Variants in MEGF8 observed in about 807,000 individuals in gnomAD.
MEGF8 encodes multiple epidermal growth factor-like domains protein 8.
A neutral mutation model predicts 302.9 loss-of-function variants in MEGF8; 156 were observed. That is an observed-to-expected ratio of 0.52 (90% CI 0.45 to 0.59). The LOEUF (loss-of-function observed/expected upper bound fraction) is 0.59. Among genes scored for constraint, MEGF8 ranks in the 20% least tolerant of loss-of-function variants. The pLI, the probability that MEGF8 is intolerant of heterozygous loss-of-function variation, is 0.00. For missense variants in MEGF8, 3,345 were observed against 3,964.5 expected (o/e 0.84, Z 4.20); for synonymous variants, 1,621 against 1,660.5 (o/e 0.98, Z 0.58).
rs2039797325 is a variant in MEGF8, at chr19:42,378,483, C to G, written c.*1708C>G. On this transcript the variant is annotated 3_prime_UTR_variant, in exon 42 of 42. Transcript: ENST00000251268. Reference sequence around the variant, plus strand: ...GTGCTGCCTGGAAGATTTCTGGGCTCTCCTGAGGCGCCACCCCGCACCTGA... The same window carrying G: ...GTGCTGCCTGGAAGATTTCTGGGCTGTCCTGAGGCGCCACCCCGCACCTGA... 6.5e-6 allele frequency: 1 copy of G among 153,890 alleles called. No individual in the cohort carries two copies. Among genetic ancestry groups the G allele is most frequent in the South Asian group, 2.1e-4 (1 of 4,838 alleles). The allele number at this position is 153,890 out of a possible 1,614,324, so 9.5% of individuals were successfully genotyped here.
chr19:42,361,285 G>A (rs1204269178), intron 32 of MEGF8, among the ~76,000 whole-genome samples: 1 of 152,188 alleles, frequency 6.6e-6, no homozygotes, highest in Non-Finnish European at 1.5e-5. Flanking sequence ...GGCTGAGACC[G>A]GAAGCTGGAG....
Position 42,375,772 on chromosome 19 carries a change from TG to T in MEGF8, c.7537del (p.Val2513SerfsTer62), listed in dbSNP as rs1446029132. 6.2e-7 allele frequency: 1 copy of T among 1,613,024 alleles called. No homozygotes were observed. Among genetic ancestry groups the T allele is most frequent in the Non-Finnish European group, 8.5e-7 (1 of 1,179,818 alleles). ...GTCTCCACCTCCTATGACACCTTCG[TG>T]GTCCGTGTGGCCCCTGACACTGGCG... ...LYVSTSYDTFVVRVAPDTGVH... is the reference protein window; with the variant it reads ...LYVSTSYDTFXVRVAPDTGVH... On this transcript the variant is annotated frameshift_variant, in exon 42 of 42. Coordinates refer to ENST00000251268, the MANE Select transcript of MEGF8 (RefSeq NM_001271938.2). LOFTEE classifies it high-confidence loss of function. The surrounding 1 kb of genome is among the most constrained non-coding windows in gnomAD (Gnocchi z 7.1).
intron 33 of MEGF8, 75 bp downstream of exon 33, chr19:42,362,288 C>T: frequency 6.2e-7 from 1 of 1,609,084 alleles, no homozygotes. Context: ...CTCTGGTCAG[C>T]TGTCCCACCC....
chr19:42,357,812 G>A lies in MEGF8; in HGVS notation c.5011+228G>A, dbSNP rs559068734. 6.6e-6 allele frequency among the ~76,000 whole-genome samples: 1 copy of A among 152,110 alleles called. No homozygotes were observed. The highest frequency in any genetic ancestry group is 1.5e-5 in the Non-Finnish European group (1 of 68,018). On this transcript the variant is annotated intron_variant, in intron 28 of 41. Coordinates refer to ENST00000251268, the MANE Select transcript of MEGF8 (RefSeq NM_001271938.2). This position sits in a 1 kb window ranked among gnomAD's most constrained non-coding sequence, Gnocchi z 5.2. ...CGGCCACATGTGGCCACCGTCCCCT[G>A]CCCCCAGGGTCTGAGCTCCCTGCTT...
intron 35 of MEGF8, among the ~76,000 whole-genome samples, chr19:42,365,543 A>T (rs1191487526): frequency 2.0e-5 from 3 of 149,680 alleles, no homozygotes; most frequent in Non-Finnish European, 4.4e-5. Flanking sequence ...AGACAGATTG[A>T]TTACTTGAGG....
intron 8 of MEGF8, among the ~76,000 whole-genome samples, chr19:42,342,898 A>G (rs945733798): frequency 6.6e-6 from 1 of 152,220 alleles, no homozygotes; most frequent in African/African-American, 2.4e-5. Context: ...TCCCTGAGCC[A>G]GTCACTGAGA....
intron 41 of MEGF8, among the ~76,000 whole-genome samples, chr19:42,371,944 C>G (rs1388009610): frequency 2.0e-5 from 3 of 151,908 alleles, no homozygotes; most frequent in Non-Finnish European, 4.4e-5. Context: ...ATTAGCCTGG[C>G]ATGGTGGTGC....
chr19:42,358,138 C>T lies in MEGF8; in HGVS notation c.5012-6C>T. 2 of 1,568,784 alleles carry T rather than the reference C, an allele frequency of 1.3e-6. No individual in the cohort carries two copies. Among genetic ancestry groups the T allele is most frequent in the Non-Finnish European group, 1.7e-6 (2 of 1,158,922 alleles). ...TCCCCCAGCCTGTCACCCTGCCCCT[C>T]ACCAGGTCTCTATGGTCACTCTGCT... On this transcript the variant is annotated splice_region_variant and splice_polypyrimidine_tract_variant and intron_variant, in intron 28 of 41. Coordinates refer to ENST00000251268, the MANE Select transcript of MEGF8 (RefSeq NM_001271938.2). The surrounding 1 kb of genome is among the most constrained non-coding windows in gnomAD (Gnocchi z 4.4).
At position 42,376,746 on chromosome 19, in the gene MEGF8, C is replaced by T; in HGVS notation, c.8509C>T (p.Gln2837Ter). Reference protein sequence around the residue: ...TGAGRKGLLSQDNLTSMSL With the variant: ...TGAGRKGLLS ...TGCGGGCCGGAAGGGACTGTTGAGC[C>T]AGGACAACCTCACCAGCATGTCCCT... The change falls in exon 42 of 42, where the codon CAG (glutamine) becomes TAG (stop). Residue 2837 changes from glutamine to a stop codon, truncating the protein, a stop_gained. Transcript: ENST00000251268. LOFTEE classifies it high-confidence loss of function. This position sits in a 1 kb window ranked among gnomAD's most constrained non-coding sequence, Gnocchi z 8.2. 1.4e-6 allele frequency: 2 copies of T among 1,463,706 alleles called. No homozygotes were observed. The highest frequency in any genetic ancestry group is 1.8e-6 in the Non-Finnish European group (2 of 1,109,094). The allele number at this position is 1,463,706 out of a possible 1,614,324, so 90.7% of individuals were successfully genotyped here.
In MEGF8 at chr19:42,352,627, G is replaced by T. The variant is rs1269422547; in HGVS notation, c.3350+171G>T. Among the ~76,000 whole-genome samples the T allele has an allele frequency of 6.6e-6, 1 of 152,230 alleles. No individual in the cohort carries two copies. Among genetic ancestry groups the T allele is most frequent in the Non-Finnish European group, 1.5e-5 (1 of 68,028 alleles). ...CCTTATTAGAGTGACAGGGTCCCCA[G>T]TGTAACCCTGGTTACCATGGAAATG... On this transcript the variant is annotated intron_variant, in intron 19 of 41. Transcript: ENST00000251268. This position sits in a 1 kb window ranked among gnomAD's most constrained non-coding sequence, Gnocchi z 4.4.
chr19:42,374,404 G>T (rs1267707954), intron 41 of MEGF8, among the ~76,000 whole-genome samples: 4 of 150,354 alleles, frequency 2.7e-5, no homozygotes, highest in East Asian at 3.9e-4. Flanking sequence ...CCGGGAGGCA[G>T]AGGTTGCAGT....
At chr19:42,339,786 C>A (rs1042497787) in intron 8 of MEGF8, among the ~76,000 whole-genome samples, 10 of 152,204 alleles carry the variant, frequency 6.6e-5, no homozygotes, top group African/African-American at 2.4e-4. Context: ...AGGCCGGGTG[C>A]AGTGGCTCAC....
Position 42,358,203 on chromosome 19 carries a change from G to T in MEGF8, c.5071G>T (p.Gly1691Trp). The change falls in exon 29 of 42, where the codon GGG becomes TGG. Residue 1691 changes from glycine (G) to tryptophan (W), a missense_variant. Gly to Trp is a radical substitution (Grantham distance 184). Transcript: ENST00000251268. The surrounding 1 kb of genome is among the most constrained non-coding windows in gnomAD (Gnocchi z 4.4). ...CACCGACTCCCTCTACGTGTTTGGG[G>T]GGTTCCGATTCCATGTGGAGCTGGC... The part of the protein sequence containing the change: ...EATDSLYVFG[G>W]FRFHVELAAP... 1.2e-6 allele frequency: 2 copies of T among 1,603,538 alleles called. No homozygotes were observed. Among genetic ancestry groups the T allele is most frequent in the Non-Finnish European group, 1.7e-6 (2 of 1,175,484 alleles).
At chr19:42,331,127 A>G (rs1032584880) in intron 1 of MEGF8, among the ~76,000 whole-genome samples, 2 of 152,050 alleles carry the variant, frequency 1.3e-5, no homozygotes, top group African/African-American at 4.8e-5. Context: ...GCCAGGGCAC[A>G]CTCTGGCTCT....
rs2038975425 is a variant in MEGF8, at chr19:42,325,723, C to T, written c.-521C>T. ...GTCTGTGGGGTCCAGGCCCGAACCCCTGAAGACGGGCTCCGCCCCCGGCAC... is the reference window on the plus strand; with the variant it reads ...GTCTGTGGGGTCCAGGCCCGAACCCTTGAAGACGGGCTCCGCCCCCGGCAC... On this transcript the variant is annotated 5_prime_UTR_variant, in exon 1 of 42. Coordinates refer to ENST00000251268, the MANE Select transcript of MEGF8 (RefSeq NM_001271938.2). 1 of 153,876 alleles carries T rather than the reference C, an allele frequency of 6.5e-6. No individual in the cohort carries two copies. Among genetic ancestry groups the T allele is most frequent in the Non-Finnish European group, 1.4e-5 (1 of 69,310 alleles). The allele number at this position is 153,876 out of a possible 1,614,324, so 9.5% of individuals were successfully genotyped here. A position where few individuals can be genotyped will look rare whatever the true frequency, so the allele number is the denominator to read the frequency against.
rs779153996 is a variant in MEGF8, at chr19:42,333,586, C to G, written c.188-19C>G. 1.9e-6 allele frequency: 3 copies of G among 1,610,138 alleles called. No homozygotes were observed. The highest frequency in any genetic ancestry group is 2.5e-6 in the Non-Finnish European group (3 of 1,177,454). ...GAAGGTCCGCTTTAGAGCTTGGTCC[C>G]TCTGTGCTCACCTCCCAGCCCCAAG... On this transcript the variant is annotated intron_variant, in intron 1 of 41. Coordinates refer to ENST00000251268, the MANE Select transcript of MEGF8 (RefSeq NM_001271938.2).
chr19:42,376,885 G>GC lies in MEGF8; in HGVS notation c.*115dup. 8.0e-7 allele frequency: 1 copy of GC among 1,254,764 alleles called. No homozygotes were observed. The highest frequency in any genetic ancestry group is 1.0e-6 in the Non-Finnish European group (1 of 963,546). 77.7% of individuals were successfully genotyped at this position (1,254,764 alleles called of 1,614,324 possible). A position where few individuals can be genotyped will look rare whatever the true frequency, so the allele number is the denominator to read the frequency against. On this transcript the variant is annotated 3_prime_UTR_variant, in exon 42 of 42. Coordinates refer to ENST00000251268, the MANE Select transcript of MEGF8 (RefSeq NM_001271938.2). The surrounding 1 kb of genome is among the most constrained non-coding windows in gnomAD (Gnocchi z 8.2). ...GACACTGTCTACTTGGAGACCACTG[G>GC]CCCCCTTCCCCCAGGGTTGCCCAGA...
intron 8 of MEGF8, among the ~76,000 whole-genome samples, chr19:42,337,630 CT>C (rs1600020876): frequency 6.6e-6 from 1 of 151,212 alleles, no homozygotes; most frequent in East Asian, 1.9e-4. Flanking sequence ...CCTCAGCCTC[CT>C]GCATCGCTGG....
chr19:42,344,057 G>A lies in MEGF8; in HGVS notation c.1772G>A (p.Gly591Glu). 2 of 1,613,408 alleles carry A rather than the reference G, an allele frequency of 1.2e-6. No homozygotes were observed. The highest frequency in any genetic ancestry group is 1.1e-5 in the South Asian group (1 of 91,078). The change falls in exon 10 of 42, where the codon GGG becomes GAG. Residue 591 changes from glycine (G) to glutamate (E), a missense_variant. Transcript: ENST00000251268. This position sits in a 1 kb window ranked among gnomAD's most constrained non-coding sequence, Gnocchi z 4.5. ...GCCTGCCAAGCTGCACCCCCTCCTGGGACCCCCTTGGGGGCTGTGAGTGAC... is the reference window on the plus strand; with the variant it reads ...GCCTGCCAAGCTGCACCCCCTCCTGAGACCCCCTTGGGGGCTGTGAGTGAC... ...QGACQAAPPP[G>E]TPLGACPAAS...
Sources: allele counts gnomAD v4.1 joint callset (sites outside exome capture counted in the v4.1 genomes callset), GRCh38; gene constraint gnomAD v4.1.1; non-coding constraint Gnocchi (gnomAD v3.1); transcripts MANE v1.5; gene names NCBI Gene and HGNC (gene_info 2026-07-23, HGNC 2026-07-21).